Variants in TENM3 observed in about 807,000 individuals in gnomAD.
The protein encoded by TENM3 is teneurin transmembrane protein 3.
Under a neutral mutation model 255.1 loss-of-function variants are expected in TENM3, and 63 were observed. The observed-to-expected ratio is 0.25, with a 90% CI of 0.20 to 0.30. TENM3 has a LOEUF of 0.30. TENM3 is among the 10% of genes least tolerant of loss of function. The pLI is 1.00. For synonymous variants in TENM3, 1,306 were observed against 1,322.3 expected (o/e 0.99, Z 0.27); for missense variants, 2,929 against 3,461.1 (o/e 0.85, Z 3.86).
At chr4:181,493,816 A>AT in the TENM3 span, among the ~76,000 whole-genome samples, 2 of 152,162 alleles carry the variant, frequency 1.3e-5, no homozygotes, top group African/African-American at 4.8e-5. Flanking sequence ...AAGCTTTGAC[A>AT]TTCGCCTACG....
At chr4:181,552,237 C>T in the TENM3 span, among the ~76,000 whole-genome samples, 6 of 152,072 alleles carry the variant, frequency 3.9e-5, no homozygotes, top group Admixed American at 2.6e-4. Flanking sequence ...CTGGCTCTTT[C>T]GAATAGTCAA....
At chr4:182,596,324 T>C (rs1359141949) in intron 3 of TENM3, among the ~76,000 whole-genome samples, 1 of 152,184 alleles carries the variant, frequency 6.6e-6, no homozygotes, top group Non-Finnish European at 1.5e-5. Context: ...GTGTCTGCCC[T>C]TGTGAGGTCC....
chr4:181,925,069 G>A, the TENM3 span, among the ~76,000 whole-genome samples: 1 of 152,128 alleles, frequency 6.6e-6, no homozygotes, highest in Non-Finnish European at 1.5e-5. Flanking sequence ...GTGAAGACTG[G>A]TGGAAATATG....
the TENM3 span, among the ~76,000 whole-genome samples, chr4:181,875,310 G>A: frequency 2.0e-5 from 3 of 152,044 alleles, no homozygotes; most frequent in South Asian, 6.2e-4. Flanking sequence ...CTTAATAATA[G>A]CAATTTGTTA....
intron 1 of TENM3, among the ~76,000 whole-genome samples, chr4:182,323,326 G>A (rs1763173866): frequency 6.6e-6 from 1 of 151,888 alleles, no homozygotes; most frequent in African/African-American, 2.4e-5. Flanking sequence ...AATGGTATGG[G>A]GAGGAGGACC....
At chr4:181,605,368 T>C in the TENM3 span, among the ~76,000 whole-genome samples, 93,215 of 149,698 alleles carry the variant, frequency 0.62, 29,592 homozygotes, top group Non-Finnish European at 0.69. Flanking sequence ...TCTCTTAACC[T>C]GGAAGGCGGA....
At chr4:181,706,484 T>C in the TENM3 span, among the ~76,000 whole-genome samples, 3 of 152,136 alleles carry the variant, frequency 2.0e-5, no homozygotes, top group African/African-American at 7.2e-5. Flanking sequence ...TAGTCAGAGA[T>C]AGTAAAGTTA....
chr4:182,778,415 G>A (rs576042050), intron 24 of TENM3, among the ~76,000 whole-genome samples: 38 of 152,232 alleles, frequency 2.5e-4, no homozygotes, highest in Non-Finnish European at 4.3e-4. Context: ...TGAGCGGCAC[G>A]GCCTAGCGTG....
the TENM3 span, among the ~76,000 whole-genome samples, chr4:181,606,702 T>C: frequency 6.6e-6 from 1 of 152,016 alleles, no homozygotes; most frequent in African/African-American, 2.4e-5. Context: ...GGTAAGATGG[T>C]TGCTAGTCTT....
At chr4:182,319,904 G>A (rs1263450908) in intron 1 of TENM3, among the ~76,000 whole-genome samples, 1 of 152,176 alleles carries the variant, frequency 6.6e-6, no homozygotes, top group African/African-American at 2.4e-5. Context: ...CCTGACGTCA[G>A]GAGTTTGAGA....
the TENM3 span, among the ~76,000 whole-genome samples, chr4:182,034,121 G>T: frequency 6.6e-6 from 1 of 152,248 alleles, no homozygotes; most frequent in South Asian, 2.1e-4. Context: ...ATCATACAAG[G>T]GAACTTCCAT....
chr4:182,378,328 C>G (rs888616612), intron 3 of TENM3, among the ~76,000 whole-genome samples: 2 of 152,172 alleles, frequency 1.3e-5, no homozygotes, highest in Admixed American at 6.5e-5. Context: ...GCTTACAAGT[C>G]TAGAGGGAAA....
chr4:181,756,010 A>G, the TENM3 span, among the ~76,000 whole-genome samples: 7 of 152,166 alleles, frequency 4.6e-5, no homozygotes, highest in Non-Finnish European at 7.3e-5. Context: ...TGTGACGATG[A>G]CGTGCCAAAT....
At chr4:182,273,409 T>A (rs1343020664) in intron 1 of TENM3, among the ~76,000 whole-genome samples, 1 of 152,216 alleles carries the variant, frequency 6.6e-6, no homozygotes, top group African/African-American at 2.4e-5. Flanking sequence ...CCTGTCAGAT[T>A]TTTGAAAGAC....
the TENM3 span, among the ~76,000 whole-genome samples, chr4:181,752,849 GAAA>G: frequency 6.9e-6 from 1 of 145,514 alleles, no homozygotes; most frequent in Non-Finnish European, 1.5e-5. Flanking sequence ...AAGGAGTACT[GAAA>G]AAAAAAAGAA....
chr4:181,526,122 G>A, the TENM3 span, among the ~76,000 whole-genome samples: 3 of 152,168 alleles, frequency 2.0e-5, no homozygotes, highest in Non-Finnish European at 2.9e-5. Context: ...ATGTTTCACT[G>A]TTATTTTCCT....
At chr4:182,042,375 G>A in the TENM3 span, among the ~76,000 whole-genome samples, 5 of 152,150 alleles carry the variant, frequency 3.3e-5, no homozygotes, top group East Asian at 7.8e-4. Flanking sequence ...TCTTCTACCA[G>A]GAAGCTACAA....
intron 1 of TENM3, among the ~76,000 whole-genome samples, chr4:182,275,247 A>G (rs987098368): frequency 1.5e-3 from 223 of 152,304 alleles, no homozygotes; most frequent in Non-Finnish European, 2.2e-4. Flanking sequence ...ATTTTTACAC[A>G]TCATCCCTGT....
intron 3 of TENM3, among the ~76,000 whole-genome samples, chr4:182,462,850 G>A (rs1732167633): frequency 6.6e-6 from 1 of 151,614 alleles, no homozygotes; most frequent in Admixed American, 6.6e-5. Flanking sequence ...CCGCACCACC[G>A]CACTCCAGCC....
Sources: gnomAD v4.1 joint callset for allele counts (sites outside exome capture counted in the v4.1 genomes callset) on GRCh38, gnomAD v4.1.1 for gene constraint, MANE v1.5 for transcripts, NCBI Gene and HGNC (gene_info 2026-07-23, HGNC 2026-07-21) for gene names.